Variants in TTC21A observed in about 807,000 individuals in gnomAD.
TTC21A encodes the protein tetratricopeptide repeat protein 21A.
In TTC21A, 128 loss-of-function variants were observed where a neutral mutation model predicts 156.4. That is an observed-to-expected ratio of 0.82 (90% CI 0.71 to 0.95). TTC21A has a LOEUF of 0.95. TTC21A is among the 40% of genes least tolerant of loss of function. The pLI, the probability that TTC21A is intolerant of heterozygous loss-of-function variation, is 0.00. For synonymous variants in TTC21A, 587 were observed against 617.1 expected (o/e 0.95, Z 0.72); for missense variants, 1,435 against 1,602.3 (o/e 0.90, Z 1.78).
At position 39,111,017 on chromosome 3, in the gene TTC21A, G is replaced by A. The variant is rs1406478095; in HGVS notation, c.435G>A (p.Glu145=). The change falls in exon 4 of 29, where the codon GAG becomes GAA. Residue 145 remains glutamate, a splice_region_variant and synonymous_variant. Transcript: ENST00000683103. ...TGAAGATTTCTAGAGGCTTCAGAGA[G>A]GTACTTACCACACCATGGGGACAAC... The part of the protein sequence containing the change: ...RMLKISRGFR[E]AYVLRGWVDL... 6.3e-7 allele frequency: 1 copy of A among 1,598,650 alleles called. No homozygotes were observed. The highest frequency in any genetic ancestry group is 8.5e-7 in the Non-Finnish European group (1 of 1,169,614).
intron 9 of TTC21A, among the ~76,000 whole-genome samples, chr3:39,124,363 T>A (rs784510): frequency 0.89 from 136,100 of 152,134 alleles, 61,007 homozygotes; most frequent in African/African-American, 0.94. Flanking sequence ...ATACAAATTT[T>A]AAAAAGCAGA....
At position 39,125,528 on chromosome 3, in the gene TTC21A, A is replaced by AGCAGGG. The variant is rs1172718660; in HGVS notation, c.1392+1_1392+2insGGCAGG. 1 of 1,611,790 alleles carries AGCAGGG rather than the reference A, an allele frequency of 6.2e-7. No individual in the cohort carries two copies. Among genetic ancestry groups the AGCAGGG allele is most frequent in the African/African-American group, 1.3e-5 (1 of 74,868 alleles). On this transcript the variant is annotated inframe_insertion, in exon 11 of 29. Transcript: ENST00000683103. ...AAGGAGTACTTGCTCTTCTGCCCCA[A>AGCAGGG]GCAGGTTAGGGGAAGGCCTGTCTTC...
At chr3:39,120,956 A>G (rs1553681355) in intron 8 of TTC21A, 41 bp from the exon 9 acceptor site, 1 of 1,552,408 alleles carries the variant, frequency 6.4e-7, no homozygotes, top group South Asian at 1.2e-5. Context: ...TACAGGCTGG[A>G]CTGACTGGTT....
At chr3:39,128,638 T>C (rs1347356040) in intron 13 of TTC21A, 79 bp from the exon 14 acceptor site, 1 of 1,570,212 alleles carries the variant, frequency 6.4e-7, no homozygotes, top group Non-Finnish European at 8.7e-7. Context: ...CTCCTGAGGC[T>C]TTCTCTGACC....
intron 3 of TTC21A, 85 bp downstream of exon 3, chr3:39,110,224 GCCAAAGGAGGTA>G: frequency 2.0e-6 from 2 of 1,014,012 alleles, no homozygotes; most frequent in Non-Finnish European, 3.1e-6. Context: ...CTCAAGGGCT[GCCAAAGGAGGTA>G]TGTGCCCTGG....
Position 39,138,784 on chromosome 3 carries a change from C to T in TTC21A, c.3938C>T (p.Pro1313Leu). The T allele has an allele frequency of 6.2e-7, 1 of 1,613,898 alleles. No individual in the cohort carries two copies. Among genetic ancestry groups the T allele is most frequent in the African/African-American group, 1.3e-5 (1 of 75,016 alleles). ...GAAAAGGCCCGAAGGTCCCTGAGGC[C>T]CTAGCTGGGGTCAAGGGGCCTGGAC... ...ILEKARRSLR[P>L] Residue 1313 changes from proline to leucine, a missense_variant, in exon 29 of 29, where the codon CCC (proline) becomes CTC (leucine). Transcript: ENST00000683103.
chr3:39,133,364 G>T, intron 20 of TTC21A, 124 bp downstream of exon 20: 2 of 977,210 alleles, frequency 2.0e-6, no homozygotes, highest in Non-Finnish European at 2.9e-6. Context: ...CAGATATGAT[G>T]GGCATGGGAG....
In TTC21A at chr3:39,109,204, C is replaced by T; in HGVS notation, c.147C>T (p.Val49=). The T allele has an allele frequency of 3.1e-6, 5 of 1,613,460 alleles. No homozygotes were observed. The South Asian group carries it at 5.5e-5, about 18-fold the overall frequency. ...TGAAGTTCTTTAAAGCCTATGGAGTCCTCAAAGAAGGTAAGGACTTGGCAG... is the reference window on the plus strand; with the variant it reads ...TGAAGTTCTTTAAAGCCTATGGAGTTCTCAAAGAAGGTAAGGACTTGGCAG... ...PVLKFFKAYG[V]LKEEHIQDAI... is the part of the protein sequence containing the mutation. Residue 49 remains valine (V), a synonymous_variant, in exon 2 of 29, where the codon GTC becomes GTT. Coordinates refer to ENST00000683103, the MANE Select transcript of TTC21A (RefSeq NM_001366900.1).
intron 10 of TTC21A, 25 bp downstream of exon 10, chr3:39,125,185 TTGCTCCAGGA>T: frequency 6.3e-7 from 1 of 1,586,642 alleles, no homozygotes; most frequent in Non-Finnish European, 8.6e-7. Context: ...GGGGTATGGG[TTGCTCCAGGA>T]TGATGTCCTC....
intron 12 of TTC21A, among the ~76,000 whole-genome samples, chr3:39,127,790 A>G (rs2038392466): frequency 1.3e-5 from 2 of 152,184 alleles, no homozygotes; most frequent in Admixed American, 1.3e-4. Context: ...CTGGACGTAA[A>G]TGCCAACTTC....
chr3:39,113,552 C>T (rs1037969881), intron 5 of TTC21A, among the ~76,000 whole-genome samples: 1 of 152,304 alleles, frequency 6.6e-6, no homozygotes, highest in African/African-American at 2.4e-5. Flanking sequence ...TGGAGGGAGA[C>T]TCCATGGAGA....
rs2038488782 is a variant in TTC21A at position 39,128,890 on chromosome 3, C to G, written c.1854C>G (p.Ile618Met). The part of the protein sequence containing the change: ...PSVQPSQRAS[I>M]LLELVEALRL... ...TGCAGCCTAGCCAGCGGGCATCCAT[C>G]TTATTGGAACTGGTGGAGGCCCTCC... Residue 618 changes from isoleucine to methionine, a missense_variant, in exon 14 of 29, where the codon ATC becomes ATG. By Grantham distance (10) the Ile-to-Met change is conservative (BLOSUM62 1). Transcript: ENST00000683103. 6.2e-7 allele frequency: 1 copy of G among 1,614,182 alleles called. No individual in the cohort carries two copies. Among genetic ancestry groups the G allele is most frequent in the Non-Finnish European group, 8.5e-7 (1 of 1,180,030 alleles).
chr3:39,128,643 C>G, intron 13 of TTC21A, 74 bp from the exon 14 acceptor site: 3 of 1,574,540 alleles, frequency 1.9e-6, no homozygotes, highest in Non-Finnish European at 1.7e-6. Context: ...GAGGCTTTCT[C>G]TGACCTGGCT....
rs553865235 is a variant in TTC21A at position 39,138,195 on chromosome 3, C to T, written c.3676-72C>T. ...CCTTGCCTGCTTCTGGTTCTGGTCC[C>T]AGTCCCACCCTGGCCCAGGGAACCA... On this transcript the variant is annotated intron_variant, in intron 26 of 28. Transcript: ENST00000683103. The T allele has an allele frequency of 2.4e-5, 39 of 1,603,360 alleles. No homozygotes were observed. In the African/African-American group the frequency reaches 4.1e-4, roughly 17 times the overall value.
At position 39,121,200 on chromosome 3, in the gene TTC21A, G is replaced by T. The variant is rs551865452; in HGVS notation, c.1093+11G>T. The stretch of plus-strand genomic sequence containing the variant: ...TGGCTGGTTTGACAGGTATATGCAG[G>T]TGTGGCAGGGCTCAGGGATGGGTGT... On this transcript the variant is annotated intron_variant, in intron 9 of 28. Coordinates refer to ENST00000683103, the MANE Select transcript of TTC21A (RefSeq NM_001366900.1). The T allele has an allele frequency of 4.5e-4, 730 of 1,605,830 alleles. 12 individuals carry two copies. The South Asian group carries it at 7.6e-3, about 17-fold the overall frequency.
intron 8 of TTC21A, among the ~76,000 whole-genome samples, chr3:39,120,416 C>T (rs533087605): frequency 6.6e-6 from 1 of 152,336 alleles, no homozygotes; most frequent in Admixed American, 6.5e-5. Flanking sequence ...CCTGAGAAGG[C>T]TGGCCTGCCT....
At chr3:39,136,639 C>T (rs1419547808) in intron 23 of TTC21A, 132 bp downstream of exon 23, 2 of 1,203,598 alleles carry the variant, frequency 1.7e-6, no homozygotes, top group Non-Finnish European at 2.3e-6. Flanking sequence ...CAAGTGAGGG[C>T]CCATGGGGGC....
In TTC21A at chr3:39,130,923, A is replaced by G; in HGVS notation, c.2459-69A>G. 1 of 1,607,656 alleles carries G rather than the reference A, an allele frequency of 6.2e-7. No homozygotes were observed. The highest frequency in any genetic ancestry group is 8.5e-7 in the Non-Finnish European group (1 of 1,175,422). ...CCCCATTAGCTGAAGTCCTGATCCC[A>G]GCGCTCCCCACCAACACAGCTTCCC... On this transcript the variant is annotated intron_variant, in intron 18 of 28. Transcript: ENST00000683103. The surrounding 1 kb of genome is among the most constrained non-coding windows in gnomAD (Gnocchi z 4.5).
At position 39,138,805 on chromosome 3, in the gene TTC21A, T is replaced by C. The variant is rs1352277169; in HGVS notation, c.*17T>C. 6 of 1,609,378 alleles carry C rather than the reference T, an allele frequency of 3.7e-6. No individual in the cohort carries two copies. The African/African-American group carries it at 6.7e-5, about 18-fold the overall frequency. ...AGGCCCTAGCTGGGGTCAAGGGGCC[T>C]GGACCAGTAGAAGCCATCAACCTAC... On this transcript the variant is annotated 3_prime_UTR_variant, in exon 29 of 29. Transcript: ENST00000683103.
Sources: allele counts gnomAD v4.1 joint callset (sites outside exome capture counted in the v4.1 genomes callset), GRCh38; gene constraint gnomAD v4.1.1; non-coding constraint Gnocchi (gnomAD v3.1); transcripts MANE v1.5; gene names NCBI Gene and HGNC (gene_info 2026-07-23, HGNC 2026-07-21).